Variants in NOC2L observed in about 807,000 individuals in gnomAD.
NOC2L encodes the protein NOC2 like nucleolar associated transcriptional repressor, also known as nucleolar complex protein 2 homolog.
NOC2L carries 101 observed loss-of-function variants against 94.2 expected under a neutral mutation model. The observed-to-expected ratio is 1.07, with a 90% CI of 0.91 to 1.26. The LOEUF is 1.26. NOC2L is among the 50% of genes most tolerant of loss of function. The pLI, the probability that NOC2L is intolerant of heterozygous loss-of-function variation, is 0.00. For missense variants in NOC2L, 1,076 were observed against 980.1 expected, an observed-to-expected ratio of 1.10 and a Z score of -1.31; for synonymous variants, 531 against 413.4, an observed-to-expected ratio of 1.28 and a Z score of -3.45.
At chr1:955,878 C>T (rs575876474) in intron 6 of NOC2L, 45 bp downstream of exon 6, 32 of 1,514,474 alleles carry the variant, frequency 2.1e-5, no homozygotes, top group Admixed American at 2.1e-4. Flanking sequence ...TGTGTGGTCC[C>T]GACCCACCTT....
chr1:956,681 A>T (rs1241009904), intron 4 of NOC2L, among the ~76,000 whole-genome samples: 6 of 152,198 alleles, frequency 3.9e-5, no homozygotes, highest in African/African-American at 1.4e-4. Context: ...AGGAGGAGCA[A>T]CGTGTTGTCA....
At chr1:958,899 G>C (rs772432621) in intron 2 of NOC2L, 30 bp downstream of exon 2, 17 of 1,612,342 alleles carry the variant, frequency 1.1e-5, no homozygotes, top group Non-Finnish European at 1.4e-5. Context: ...GGACGAGCAA[G>C]AGGTTCTGCT....
rs768474927 is a variant in NOC2L, at chr1:956,999, C to T, written c.381G>A (p.Ala127=). 2.2e-5 allele frequency: 35 copies of T among 1,613,970 alleles called. No individual in the cohort carries two copies. The East Asian group carries it at 4.0e-4, about 18-fold the overall frequency. Reference sequence around the variant, plus strand: ...CTCTGTCCCCATCTTCTCCTTCCTCCGCTCCATCCTCCTCCTCACTGGCTT... The same window carrying T: ...CTCTGTCCCCATCTTCTCCTTCCTCTGCTCCATCCTCCTCCTCACTGGCTT... ...LEEASEEEDG[A]EEGEDGDRVP... Residue 127 remains alanine, a synonymous_variant, in exon 4 of 19, where the codon GCG becomes GCA. Transcript: ENST00000327044.
At position 945,222 on chromosome 1, in the gene NOC2L, G is replaced by A. The variant is rs940449283; in HGVS notation, c.2054-76C>T. The A allele has an allele frequency of 7.3e-6, 11 of 1,512,292 alleles. No individual in the cohort carries two copies. The Admixed American group carries it at 1.0e-4, about 14-fold the overall frequency. 93.7% of individuals were successfully genotyped at this position (1,512,292 alleles called of 1,614,324 possible). On this transcript the variant is annotated intron_variant, in intron 17 of 18. Coordinates refer to ENST00000327044, the MANE Select transcript of NOC2L (RefSeq NM_015658.4). ...AGCAAAGTCACAGTGGGGGCAGGAG[G>A]GTGGCCAGGCTCCCAACACCCTTCC...
rs201133363 is a variant in NOC2L at position 956,088 on chromosome 1, A to C, written c.607+7T>G. ...CAGCCTGGATGCCAGGCTCCCCCCAAGCTCACCAGCACTGTCCGTGACCTG... is the reference window on the plus strand; with the variant it reads ...CAGCCTGGATGCCAGGCTCCCCCCACGCTCACCAGCACTGTCCGTGACCTG... On this transcript the variant is annotated splice_region_variant and intron_variant, in intron 5 of 18. Transcript: ENST00000327044. 6.2e-7 allele frequency: 1 copy of C among 1,613,978 alleles called. No homozygotes were observed. Among genetic ancestry groups the C allele is most frequent in the South Asian group, 1.1e-5 (1 of 91,078 alleles).
intron 13 of NOC2L, 63 bp from the exon 14 acceptor site, chr1:948,295 C>T (rs992237536): frequency 7.3e-7 from 1 of 1,369,520 alleles, no homozygotes. Context: ...ACTCAGGCCC[C>T]TTCCCCTCAG....
At chr1:951,856 C>T in intron 11 of NOC2L, 144 bp downstream of exon 11, 1 of 896,780 alleles carries the variant, frequency 1.1e-6, no homozygotes, top group Non-Finnish European at 1.7e-6. Flanking sequence ...GTAGCAGGTA[C>T]AGGGACCCCA....
chr1:953,526 G>A (rs1420034176), intron 8 of NOC2L, among the ~76,000 whole-genome samples: 1 of 152,258 alleles, frequency 6.6e-6, no homozygotes, highest in African/African-American at 2.4e-5. Context: ...ACGTATGTGA[G>A]ATCACACCGG....
At chr1:945,747 C>T in intron 16 of NOC2L, 94 bp from the exon 17 acceptor site, 2 of 1,504,910 alleles carry the variant, frequency 1.3e-6, no homozygotes, top group East Asian at 4.5e-5. Context: ...CACCAGGGCC[C>T]CATGTGGCCA....
chr1:948,811 GC>G (rs1355794419), intron 12 of NOC2L, among the ~76,000 whole-genome samples: 1 of 147,102 alleles, frequency 6.8e-6, no homozygotes, highest in African/African-American at 2.5e-5. Context: ...GCCCCACACA[GC>G]CTGGCGTGTC....
At position 956,956 on chromosome 1, in the gene NOC2L, C is replaced by T. The variant is rs1369012494; in HGVS notation, c.424G>A (p.Gly142Arg). Reference sequence around the variant, plus strand: ...GTCACAGGAACAGAATTCTTCTTCCCCTTCAGCCCTCTGGGGACTCTGTCC... The same window carrying T: ...GTCACAGGAACAGAATTCTTCTTCCTCTTCAGCCCTCTGGGGACTCTGTCC... The part of the protein sequence containing the change: ...DGDRVPRGLK[G>R]KKNSVPVTVA... Residue 142 changes from glycine (G) to arginine (R), a missense_variant, in exon 4 of 19, where the codon GGG (glycine) becomes AGG (arginine). Around this residue, in one of 3 missense-constraint regions of NOC2L, gnomAD observed 457 missense variants for 386.0 expected, o/e 1.18. Transcript: ENST00000327044. 1.9e-6 allele frequency: 3 copies of T among 1,614,006 alleles called. No individual in the cohort carries two copies. Among genetic ancestry groups the T allele is most frequent in the Non-Finnish European group, 2.5e-6 (3 of 1,180,048 alleles).
intron 11 of NOC2L, among the ~76,000 whole-genome samples, chr1:951,447 G>A (rs1334108547): frequency 2.0e-5 from 3 of 151,160 alleles, no homozygotes; most frequent in Non-Finnish European, 4.4e-5. Flanking sequence ...CAACACGGTG[G>A]CAGGGGTCAT....
At chr1:945,386 A>G in intron 17 of NOC2L, 132 bp downstream of exon 17, 2 of 1,154,042 alleles carry the variant, frequency 1.7e-6, no homozygotes, top group Non-Finnish European at 2.4e-6. Flanking sequence ...GGCAACACTG[A>G]GGTTGGCCCC....
At chr1:949,351 G>A (rs904408126) in intron 12 of NOC2L, among the ~76,000 whole-genome samples, 6 of 152,224 alleles carry the variant, frequency 3.9e-5, no homozygotes, top group Non-Finnish European at 8.8e-5. Context: ...GTGGCTGCCA[G>A]ACAGCTGAGC....
chr1:958,784 G>A (rs774617197), intron 2 of NOC2L, 145 bp downstream of exon 2: 4 of 822,606 alleles, frequency 4.9e-6, no homozygotes, highest in Non-Finnish European at 4.1e-6. Flanking sequence ...AACATCGGAT[G>A]AAAGAGTAAG....
chr1:958,513 G>C, intron 2 of NOC2L: 1 of 371,408 alleles, frequency 2.7e-6, no homozygotes, highest in Non-Finnish European at 5.3e-6. Flanking sequence ...GCCTCCCAAA[G>C]TGCTGGCATT....
chr1:955,228 C>T (rs1642368610), intron 6 of NOC2L, among the ~76,000 whole-genome samples: 1 of 152,250 alleles, frequency 6.6e-6, no homozygotes, highest in South Asian at 2.1e-4. Context: ...TCTATCCGTC[C>T]AGCCCCGACC....
intron 11 of NOC2L, 44 bp from the exon 12 acceptor site, chr1:951,282 AG>A (rs1642254555): frequency 7.0e-7 from 1 of 1,420,956 alleles, no homozygotes. Flanking sequence ...CGGCTCTGGC[AG>A]CCCCTGCCCC....
intron 14 of NOC2L, among the ~76,000 whole-genome samples, chr1:947,451 T>C (rs575931912): frequency 1.0e-3 from 155 of 152,254 alleles, no homozygotes; most frequent in African/African-American, 3.6e-3. Flanking sequence ...AGATCCCTCC[T>C]CCCCACACTG....
Sources: gnomAD v4.1 joint callset for allele counts (sites outside exome capture counted in the v4.1 genomes callset) on GRCh38, gnomAD v4.1.1 for gene constraint, gnomAD v4.1.1 regional missense constraint, MANE v1.5 for transcripts, NCBI Gene and HGNC (gene_info 2026-07-23, HGNC 2026-07-21) for gene names.